Variants in ZNRF3 observed in about 807,000 individuals in gnomAD.
ZNRF3 encodes E3 ubiquitin-protein ligase ZNRF3.
Under a neutral mutation model 72.5 loss-of-function variants are expected in ZNRF3, and 23 were observed. The observed-to-expected ratio is 0.32, with a 90% confidence interval of 0.23 to 0.45. The LOEUF (loss-of-function observed/expected upper bound fraction) is 0.45. Ranked by LOEUF, ZNRF3 falls within the 20% of genes least tolerant of loss-of-function variation. The pLI, the probability that ZNRF3 is intolerant of heterozygous loss-of-function variation, is 1.00. For missense variants in ZNRF3, 1,169 were observed against 1,272.1 expected (o/e 0.92, Z 1.23); for synonymous variants, 610 against 545.3 (o/e 1.12, Z -1.65).
At chr22:28,928,775 C>T (rs183468071) in intron 1 of ZNRF3, among the ~76,000 whole-genome samples, 2 of 152,030 alleles carry the variant, frequency 1.3e-5, no homozygotes, top group Non-Finnish European at 2.9e-5. Flanking sequence ...GGATTACAGG[C>T]GTGAGCCACC....
At chr22:28,941,187 A>G (rs1039046504) in intron 1 of ZNRF3, among the ~76,000 whole-genome samples, 1 of 152,176 alleles carries the variant, frequency 6.6e-6, no homozygotes, top group Non-Finnish European at 1.5e-5. Flanking sequence ...GGTGGCAGCC[A>G]GGGAGGGAAA....
intron 1 of ZNRF3, chr22:28,986,504 C>A (rs944819927): frequency 6.7e-6 from 4 of 597,752 alleles, no homozygotes; most frequent in African/African-American, 4.0e-5. Flanking sequence ...TTGTGCTTTG[C>A]AAATTTTGAA....
At position 29,050,042 on chromosome 22, in the gene ZNRF3, G is replaced by A; in HGVS notation, c.1861G>A (p.Ala621Thr). Residue 621 changes from alanine to threonine, a missense_variant, in exon 8 of 9, where the codon GCC becomes ACC. Ala to Thr is a moderately conservative substitution (Grantham distance 58). Transcript: ENST00000544604. ...CTCGGGCAGCTCGGGCCGGGGACCTGCCCTGTGCTTCGAGGGCTCCCCGCC... is the reference window on the plus strand; with the variant it reads ...CTCGGGCAGCTCGGGCCGGGGACCTACCCTGTGCTTCGAGGGCTCCCCGCC... ...GGSGSSGRGP[A>T]LCFEGSPPPE... The A allele has an allele frequency of 6.2e-7, 1 of 1,609,196 alleles. No homozygotes were observed.
rs1423576085 is a variant in ZNRF3 at position 29,049,669 on chromosome 22, C to G, written c.1488C>G (p.Ala496=). 6.2e-7 allele frequency: 1 copy of G among 1,608,994 alleles called. No individual in the cohort carries two copies. Residue 496 remains alanine, a synonymous_variant, in exon 8 of 9, where the codon GCC becomes GCG. Coordinates refer to ENST00000544604, the MANE Select transcript of ZNRF3 (RefSeq NM_001206998.2). This position sits in a 1 kb window ranked among gnomAD's most constrained non-coding sequence, Gnocchi z 5.2. The part of the protein sequence containing the change: ...SPPSLAPRGP[A]RAFPPSGSGS... ...CTAGCCTCGCACCCCGGGGCCCGGC[C>G]CGTGCCTTTCCTCCGAGCGGCAGTG...
intron 2 of ZNRF3, among the ~76,000 whole-genome samples, chr22:29,019,673 A>G (rs1156391803): frequency 1.3e-5 from 2 of 152,192 alleles, no homozygotes; most frequent in African/African-American, 4.8e-5. Flanking sequence ...ATGATTAGCA[A>G]TCATTAATTG....
At chr22:29,022,463 G>C (rs948201355) in intron 2 of ZNRF3, among the ~76,000 whole-genome samples, 1 of 152,192 alleles carries the variant, frequency 6.6e-6, no homozygotes, top group Non-Finnish European at 1.5e-5. Flanking sequence ...GTTGGTCCCT[G>C]CCCATCACTG....
intron 1 of ZNRF3, among the ~76,000 whole-genome samples, chr22:28,939,532 C>CT (rs1555971121): frequency 6.6e-6 from 1 of 151,704 alleles, no homozygotes; most frequent in Non-Finnish European, 1.5e-5. Flanking sequence ...TCTTTTATCT[C>CT]TAAGACCAAA....
rs1243328915 is a variant in ZNRF3 at position 28,918,128 on chromosome 22, C to G, written c.300+34062C>G. Reference sequence around the variant, plus strand: ...CCTTGGTGTGGGCTGAAAGGCAGGCCTGGCGAAGTGTGGGGACTCAAATGC... The same window carrying G: ...CCTTGGTGTGGGCTGAAAGGCAGGCGTGGCGAAGTGTGGGGACTCAAATGC... On this transcript the variant is annotated intron_variant, in intron 1 of 8. Coordinates refer to ENST00000544604, the MANE Select transcript of ZNRF3 (RefSeq NM_001206998.2). Among the ~76,000 whole-genome samples, 3 of 152,184 alleles carry G rather than the reference C, an allele frequency of 2.0e-5. No homozygotes were observed. The East Asian group carries it at 5.8e-4, about 29-fold the overall frequency.
intron 2 of ZNRF3, among the ~76,000 whole-genome samples, chr22:29,019,526 A>T (rs548117027): frequency 1.9e-4 from 29 of 152,206 alleles, no homozygotes; most frequent in Non-Finnish European, 3.8e-4. Context: ...TGCATTCATG[A>T]CATGAAGCTA....
At chr22:28,977,862 A>G (rs1305573946) in intron 1 of ZNRF3, among the ~76,000 whole-genome samples, 2 of 152,208 alleles carry the variant, frequency 1.3e-5, no homozygotes, top group African/African-American at 4.8e-5. Context: ...AGTATATCTC[A>G]AGGATTTTGT....
intron 5 of ZNRF3, among the ~76,000 whole-genome samples, chr22:29,046,136 G>C (rs1254908466): frequency 6.6e-6 from 1 of 152,158 alleles, no homozygotes; most frequent in African/African-American, 2.4e-5. Context: ...ACTCGGGTAG[G>C]GGGTGGTGAG....
At chr22:28,981,095 A>G (rs1282044786) in intron 1 of ZNRF3, among the ~76,000 whole-genome samples, 1 of 152,196 alleles carries the variant, frequency 6.6e-6, no homozygotes, top group Non-Finnish European at 1.5e-5. Context: ...CCTACGATGA[A>G]TTTTCAATGA....
intron 1 of ZNRF3, among the ~76,000 whole-genome samples, chr22:28,947,757 G>A (rs1264332468): frequency 6.6e-6 from 1 of 152,070 alleles, no homozygotes. Flanking sequence ...TTAAAGTGTT[G>A]GATCACAAAG....
chr22:28,944,775 A>G (rs2035017956), intron 1 of ZNRF3, among the ~76,000 whole-genome samples: 1 of 124,778 alleles, frequency 8.0e-6, no homozygotes, highest in African/African-American at 2.9e-5. Context: ...AAAAAAAAAG[A>G]TTAGCGGGGG....
At chr22:29,024,823 A>T (rs2036599205) in intron 2 of ZNRF3, among the ~76,000 whole-genome samples, 1 of 152,124 alleles carries the variant, frequency 6.6e-6, no homozygotes, top group Non-Finnish European at 1.5e-5. Flanking sequence ...AATGTCAGTA[A>T]ACCATAGTGA....
chr22:29,032,708 G>A (rs2036785673), intron 2 of ZNRF3, among the ~76,000 whole-genome samples: 1 of 152,202 alleles, frequency 6.6e-6, no homozygotes, highest in Non-Finnish European at 1.5e-5. Context: ...TAGGGCAAAA[G>A]CTGATCTTTT....
intron 2 of ZNRF3, among the ~76,000 whole-genome samples, chr22:29,020,772 TGTGG>T (rs768116601): frequency 0.027 from 1,867 of 68,440 alleles, 23 homozygotes; most frequent in Non-Finnish European, 0.043. Context: ...TTTGTGTGTG[TGTGG>T]GTGTGTGTGT....
rs751261924 is a variant in ZNRF3, at chr22:29,046,734, G to A, written c.763G>A (p.Ala255Thr). ...CCTGCAGAATTCCATGAACAGGCTG[G>A]CTGTGCAGGCTCTAGAGAAGATGGA... ...RRSQNSMNRL[A>T]VQALEKMETR... Residue 255 changes from alanine to threonine, a missense_variant, in exon 6 of 9, where the codon GCT becomes ACT. Physicochemically the swap from Ala to Thr is moderately conservative, Grantham distance 58. This residue lies in a region of ZNRF3 where 386 missense variants were observed against 540.7 expected (regional missense o/e 0.71). Transcript: ENST00000544604. The A allele has an allele frequency of 1.9e-6, 3 of 1,607,682 alleles. No individual in the cohort carries two copies. The highest frequency in any genetic ancestry group is 2.5e-6 in the Non-Finnish European group (3 of 1,176,874).
intron 2 of ZNRF3, among the ~76,000 whole-genome samples, chr22:29,016,047 G>A (rs987903770): frequency 3.3e-5 from 5 of 151,236 alleles, no homozygotes; most frequent in Admixed American, 2.0e-4. Flanking sequence ...ACTGAAACTG[G>A]CTTGGCTGAT....
Sources: allele counts gnomAD v4.1 joint callset (sites outside exome capture counted in the v4.1 genomes callset), GRCh38; gene constraint gnomAD v4.1.1; regional missense constraint gnomAD v4.1.1; non-coding constraint Gnocchi (gnomAD v3.1); transcripts MANE v1.5; gene names NCBI Gene and HGNC (gene_info 2026-07-23, HGNC 2026-07-21).